CNTN3: variants seen among roughly 807,000 people sequenced by gnomAD.
CNTN3 encodes the protein contactin 3.
In CNTN3, 60 loss-of-function variants were observed where a neutral mutation model predicts 119.1. The ratio of observed to expected loss-of-function variants is 0.50; its 90% CI spans 0.41 to 0.62. CNTN3 has a LOEUF of 0.62. Among genes scored for constraint, CNTN3 ranks in the 20% least tolerant of loss-of-function variants. The pLI is 0.00. For synonymous variants in CNTN3, 450 were observed against 438.7 expected (o/e 1.03, Z -0.32); for missense variants, 1,101 against 1,242.4 (o/e 0.89, Z 1.71).
chr3:74,394,804 CTT>C (rs1705004040), intron 5 of CNTN3, among the ~76,000 whole-genome samples: 1 of 97,074 alleles, frequency 1.0e-5, no homozygotes. Flanking sequence ...TTATTAATGA[CTT>C]TTAATCTTAG....
intron 1 of CNTN3, among the ~76,000 whole-genome samples, chr3:74,602,252 C>T (rs1248401402): frequency 7.3e-6 from 1 of 137,690 alleles, no homozygotes; most frequent in Non-Finnish European, 1.5e-5. Flanking sequence ...GCCATGATCG[C>T]ACCACTATAC....
chr3:74,273,810 G>A (rs1701828126), intron 20 of CNTN3, among the ~76,000 whole-genome samples: 1 of 152,182 alleles, frequency 6.6e-6, no homozygotes, highest in Non-Finnish European at 1.5e-5. Flanking sequence ...AAGCTTCCTG[G>A]CCAGAACCTG....
chr3:74,391,783 G>C (rs1310688443), intron 5 of CNTN3, among the ~76,000 whole-genome samples: 3 of 151,848 alleles, frequency 2.0e-5, no homozygotes, highest in Non-Finnish European at 4.4e-5. Context: ...TTAGCCTCTG[G>C]AGTAGCTGGG....
At chr3:74,563,624 C>G (rs1704185743) in intron 1 of CNTN3, among the ~76,000 whole-genome samples, 1 of 152,082 alleles carries the variant, frequency 6.6e-6, no homozygotes, top group African/African-American at 2.4e-5. Context: ...TCCCTTGCAG[C>G]TATGGTATAG....
chr3:74,530,828 G>T (rs1038572119), intron 1 of CNTN3, among the ~76,000 whole-genome samples: 1 of 151,914 alleles, frequency 6.6e-6, no homozygotes, highest in African/African-American at 2.4e-5. Context: ...GGAAGAGGGA[G>T]AGTGCAGCAC....
rs111872098 is a variant in CNTN3 at position 74,424,454 on chromosome 3, T to TTG, written c.454+389_454+390dup. Reference sequence around the variant, plus strand: ...GGCTTATTGGCACATACTAATAAGCTTGTGTGTGTGTGTGTGTGACAGAGA... The same window carrying TTG: ...GGCTTATTGGCACATACTAATAAGCTTGTGTGTGTGTGTGTGTGTGACAGAGA... On this transcript the variant is annotated intron_variant, in intron 5 of 22. Transcript: ENST00000263665. 9.2e-3 allele frequency among the ~76,000 whole-genome samples: 1,187 copies of TTG among 129,454 alleles called. 8 individuals carry two copies. The highest frequency in any genetic ancestry group is 0.014 in the Non-Finnish European group (830 of 60,944). The allele number at this position is 129,454 out of a possible 152,430, so 84.9% of individuals were successfully genotyped here.
rs935524 is a variant in CNTN3 at position 74,558,390 on chromosome 3, A to T, written c.-80-37198T>A. Among the ~76,000 whole-genome samples, 1,115 of 152,312 alleles carry T rather than the reference A, an allele frequency of 7.3e-3. 41 individuals carry two copies. The East Asian group carries it at 0.082, about 11-fold the overall frequency. On this transcript the variant is annotated intron_variant, in intron 1 of 22. Coordinates refer to ENST00000263665, the MANE Select transcript of CNTN3 (RefSeq NM_020872.3). ...AATGCAATCTAAGAAACTTATTAGG[A>T]GTAAATTTTTGCAACACTCCTCACA...
At chr3:74,508,340 T>C (rs1703301763) in intron 2 of CNTN3, among the ~76,000 whole-genome samples, 1 of 152,130 alleles carries the variant, frequency 6.6e-6, no homozygotes. Context: ...TTAGGCCTCT[T>C]CTCTTTATAA....
chr3:74,449,164 T>C (rs956215106), intron 4 of CNTN3, among the ~76,000 whole-genome samples: 1 of 152,004 alleles, frequency 6.6e-6, no homozygotes, highest in Non-Finnish European at 1.5e-5. Context: ...TATTATATAA[T>C]AAAAATTAAT....
At chr3:74,568,687 C>T (rs538195601) in intron 1 of CNTN3, among the ~76,000 whole-genome samples, 1 of 152,304 alleles carries the variant, frequency 6.6e-6, no homozygotes, top group East Asian at 1.9e-4. Flanking sequence ...GCCCACTTAG[C>T]CAACAAAACT....
chr3:74,523,449 T>C (rs368673095), intron 1 of CNTN3, among the ~76,000 whole-genome samples: 3 of 151,892 alleles, frequency 2.0e-5, no homozygotes, highest in Non-Finnish European at 2.9e-5. Flanking sequence ...TAGGAAATGA[T>C]AGTAACATGC....
At chr3:74,376,810 T>C (rs558297264) in intron 5 of CNTN3, among the ~76,000 whole-genome samples, 4 of 151,884 alleles carry the variant, frequency 2.6e-5, no homozygotes, top group Non-Finnish European at 5.9e-5. Context: ...ATATTGGCAA[T>C]AGGAAATTCA....
chr3:74,606,335 G>A (rs897764509), intron 1 of CNTN3, among the ~76,000 whole-genome samples: 1 of 151,822 alleles, frequency 6.6e-6, no homozygotes, highest in African/African-American at 2.4e-5. Flanking sequence ...CTGCTTGAAC[G>A]CTTACAAGAT....
chr3:74,290,240 G>C (rs1314988933), intron 19 of CNTN3, among the ~76,000 whole-genome samples: 1 of 152,200 alleles, frequency 6.6e-6, no homozygotes, highest in African/African-American at 2.4e-5. Flanking sequence ...GTGTAGCGTA[G>C]TGCTCCTAGG....
At chr3:74,578,534 T>C (rs1000861392) in intron 1 of CNTN3, among the ~76,000 whole-genome samples, 2 of 152,044 alleles carry the variant, frequency 1.3e-5, no homozygotes, top group Non-Finnish European at 2.9e-5. Context: ...TACAAGAATA[T>C]TATTAACCCT....
rs71129762 is a variant in CNTN3 at position 74,575,606 on chromosome 3, AAC to A, written c.-81+38783_-81+38784del. 4.9e-3 allele frequency among the ~76,000 whole-genome samples: 661 copies of A among 135,158 alleles called. 4 individuals are homozygous for A. The Middle Eastern group carries it at 0.055, about 11-fold the overall frequency. The allele number at this position is 135,158 out of a possible 152,430, so 88.7% of individuals were successfully genotyped here. A position where few individuals can be genotyped will look rare whatever the true frequency, so the allele number is the denominator to read the frequency against. On this transcript the variant is annotated intron_variant, in intron 1 of 22. Coordinates refer to ENST00000263665, the MANE Select transcript of CNTN3 (RefSeq NM_020872.3). ...ATTCATTTCCTCTTCAGTCTCTCCC[AAC>A]ACACACACACACACACACACACACA...
At chr3:74,458,641 C>A (rs1702311478) in intron 4 of CNTN3, among the ~76,000 whole-genome samples, 1 of 151,872 alleles carries the variant, frequency 6.6e-6, no homozygotes, top group Admixed American at 6.6e-5. Context: ...CTGGAAATAA[C>A]AGAACTACAG....
At chr3:74,525,352 G>C (rs2107128132) in intron 1 of CNTN3, among the ~76,000 whole-genome samples, 1 of 151,836 alleles carries the variant, frequency 6.6e-6, no homozygotes, top group South Asian at 2.1e-4. Flanking sequence ...TTTAAATTAT[G>C]TTGCTTATTT....
At chr3:74,333,729 A>C (rs560671576) in intron 13 of CNTN3, among the ~76,000 whole-genome samples, 1 of 151,576 alleles carries the variant, frequency 6.6e-6, no homozygotes, top group East Asian at 1.9e-4. Flanking sequence ...AATTCAACTC[A>C]AAACGCCATC....
Sources: gnomAD v4.1 joint callset for allele counts (sites outside exome capture counted in the v4.1 genomes callset) on GRCh38, gnomAD v4.1.1 for gene constraint, MANE v1.5 for transcripts, NCBI Gene and HGNC (gene_info 2026-07-23, HGNC 2026-07-21) for gene names.